The following KSR2 variants were observed in gnomAD, a reference collection of about 807,000 sequenced individuals.
The protein encoded by KSR2 is kinase suppressor of ras 2.
In KSR2, 25 loss-of-function variants were observed where a neutral mutation model predicts 107.8. The observed-to-expected ratio is 0.23, with a 90% CI of 0.17 to 0.32. The LOEUF is 0.32. Ranked by LOEUF, KSR2 falls within the 10% of genes least tolerant of loss-of-function variation. KSR2 has a pLI of 1.00. For synonymous variants in KSR2, 480 were observed against 507.0 expected (o/e 0.95, Z 0.71); for missense variants, 887 against 1,268.9 (o/e 0.70, Z 4.57).
intron 14 of KSR2, among the ~76,000 whole-genome samples, chr12:117,522,744 T>C (rs1393934222): frequency 1.3e-5 from 2 of 152,158 alleles, no homozygotes; most frequent in African/African-American, 2.4e-5. Context: ...AGAATGAGCC[T>C]GAGCTAGCCT....
chr12:117,631,104 A>G (rs1593070465), intron 5 of KSR2, among the ~76,000 whole-genome samples: 1 of 152,160 alleles, frequency 6.6e-6, no homozygotes, highest in African/African-American at 2.4e-5. Context: ...GCTCAAGACC[A>G]GCCTGGGAAA....
At chr12:117,558,357 A>C (rs1877852658) in intron 8 of KSR2, 149 bp downstream of exon 8, 2 of 639,996 alleles carry the variant, frequency 3.1e-6, no homozygotes, top group Admixed American at 5.2e-5. Context: ...AGATGTCAGG[A>C]AACAGGGCGT....
rs182801029 is a variant in KSR2, at chr12:117,531,066, C to G, written c.1730-53G>C. 4.4e-5 allele frequency: 63 copies of G among 1,447,106 alleles called. 2 individuals carry two copies. In the Admixed American group the frequency reaches 9.7e-4, roughly 22 times the overall value. The allele number at this position is 1,447,106 out of a possible 1,614,324, so 89.6% of individuals were successfully genotyped here. On this transcript the variant is annotated intron_variant, in intron 11 of 19. Transcript: ENST00000339824. ...AAAAAAATGTGAAGTCCACAACCCC[C>G]GCAAAGGCCTGATTCCTGGGCGACA...
rs1401028792 is a variant in KSR2, at chr12:117,464,401, A to C, written c.*2798T>G. 2 of 152,250 alleles carry C rather than the reference A, an allele frequency of 1.3e-5. No homozygotes were observed. Among genetic ancestry groups the C allele is most frequent in the Non-Finnish European group, 2.9e-5 (2 of 68,054 alleles). The allele number at this position is 152,250 out of a possible 1,614,324, so 9.4% of individuals were successfully genotyped here. A position where few individuals can be genotyped will look rare whatever the true frequency, so the allele number is the denominator to read the frequency against. ...GCTGTGATGGGACAAGGGCAAACAC[A>C]CAAATCTTGGTCGTGTCATTGTATA... On this transcript the variant is annotated 3_prime_UTR_variant, in exon 20 of 20. Coordinates refer to ENST00000339824, the MANE Select transcript of KSR2 (RefSeq NM_173598.6).
At chr12:117,523,017 T>C (rs1160422592) in intron 14 of KSR2, among the ~76,000 whole-genome samples, 1 of 152,188 alleles carries the variant, frequency 6.6e-6, no homozygotes, top group Admixed American at 6.5e-5. Flanking sequence ...TTCTGTCTTG[T>C]GCAGAGTTGA....
In KSR2 at chr12:117,542,556, A is replaced by C. The variant is rs575936399; in HGVS notation, c.1519-2669T>G. 2.8e-4 allele frequency among the ~76,000 whole-genome samples: 43 copies of C among 152,222 alleles called. No homozygotes were observed. In the South Asian group the frequency reaches 8.9e-3, roughly 32 times the overall value. On this transcript the variant is annotated intron_variant, in intron 9 of 19. Transcript: ENST00000339824. Reference sequence around the variant, plus strand: ...TCCCTCATGTTGCCCGTTTATAGCCATACCCATTTCCTGTTCTCTCCTCAC... The same window carrying C: ...TCCCTCATGTTGCCCGTTTATAGCCCTACCCATTTCCTGTTCTCTCCTCAC...
intron 4 of KSR2, among the ~76,000 whole-genome samples, chr12:117,719,217 T>TC (rs1565977876): frequency 2.0e-5 from 3 of 151,778 alleles, no homozygotes; most frequent in African/African-American, 4.8e-5. Context: ...TTCAGGTCTT[T>TC]CCCCCCCTCC....
At chr12:117,545,633 T>C (rs1489443868) in intron 9 of KSR2, among the ~76,000 whole-genome samples, 1 of 152,218 alleles carries the variant, frequency 6.6e-6, no homozygotes, top group Admixed American at 6.5e-5. Flanking sequence ...TGATGTCCCA[T>C]CCCATTCCTG....
rs1555221153 is a variant in KSR2, at chr12:117,606,601, C to CTCCCTCCCT, written c.1172-24243_1172-24242insAGGGAGGGA. On this transcript the variant is annotated intron_variant, in intron 5 of 19. Transcript: ENST00000339824. ...CCTTCCCTTCTTCCTTCCTTCTTTC[C>CTCCCTCCCT]TCCTTCCTTCCTTCCTCCCTCCCTT... Among the ~76,000 whole-genome samples, 21 of 33,466 alleles carry CTCCCTCCCT rather than the reference C, an allele frequency of 6.3e-4. 1 individual carries two copies. The highest frequency in any genetic ancestry group is 1.1e-3 in the Non-Finnish European group (19 of 16,928). 22.0% of individuals were successfully genotyped at this position (33,466 alleles called of 152,430 possible).
intron 1 of KSR2, among the ~76,000 whole-genome samples, chr12:117,947,011 A>C (rs1250873290): frequency 1.7e-5 from 2 of 121,168 alleles, no homozygotes; most frequent in African/African-American, 5.2e-5. Context: ...CTAAAAATAC[A>C]AAAAAAAATT....
At chr12:117,592,569 T>A (rs550167812) in intron 5 of KSR2, among the ~76,000 whole-genome samples, 1 of 152,338 alleles carries the variant, frequency 6.6e-6, no homozygotes, top group South Asian at 2.1e-4. Context: ...CCTAGAGTCA[T>A]CACCTGTGAT....
chr12:117,799,574 T>G (rs1366353123), intron 3 of KSR2, among the ~76,000 whole-genome samples: 1 of 152,108 alleles, frequency 6.6e-6, no homozygotes, highest in Non-Finnish European at 1.5e-5. Context: ...TAAAAAAAAT[T>G]TAATCATAGA....
At chr12:117,584,585 G>T (rs566558018) in intron 5 of KSR2, among the ~76,000 whole-genome samples, 4 of 152,158 alleles carry the variant, frequency 2.6e-5, no homozygotes, top group Non-Finnish European at 4.4e-5. Context: ...TCTGCCACGG[G>T]TGAAGAATAA....
intron 2 of KSR2, among the ~76,000 whole-genome samples, chr12:117,859,431 C>A (rs1430838299): frequency 6.7e-6 from 1 of 149,894 alleles, no homozygotes; most frequent in Non-Finnish European, 1.5e-5. Context: ...CCGCGCCTGG[C>A]CTGTTTTTTT....
intron 3 of KSR2, among the ~76,000 whole-genome samples, chr12:117,798,518 A>G (rs4767625): frequency 0.6 from 91,744 of 151,840 alleles, 30,152 homozygotes; most frequent in African/African-American, 0.87. Context: ...CTGTAATCCC[A>G]GCTACTCAGG....
chr12:117,545,174 C>T (rs190384485), intron 9 of KSR2, among the ~76,000 whole-genome samples: 5 of 152,192 alleles, frequency 3.3e-5, no homozygotes, highest in African/African-American at 9.6e-5. Flanking sequence ...CTGGAATAAA[C>T]TCTACTTGTA....
At chr12:117,686,912 C>T (rs914354680) in intron 4 of KSR2, among the ~76,000 whole-genome samples, 6 of 152,160 alleles carry the variant, frequency 3.9e-5, no homozygotes, top group Non-Finnish European at 5.9e-5. Context: ...AGACAGACAA[C>T]GAACAGTATC....
intron 5 of KSR2, among the ~76,000 whole-genome samples, chr12:117,628,277 G>A (rs1305235478): frequency 7.2e-5 from 11 of 152,100 alleles, no homozygotes; most frequent in East Asian, 1.9e-4. Context: ...GAGAAGAGGC[G>A]CTCTGATTTT....
chr12:117,555,433 G>C (rs956325784), intron 8 of KSR2, 140 bp from the exon 9 acceptor site: 1 of 801,002 alleles, frequency 1.2e-6, no homozygotes, highest in Non-Finnish European at 2.0e-6. Context: ...TAATGATTCT[G>C]TGGTGGGATC....
Sources: gnomAD v4.1 joint callset for allele counts (sites outside exome capture counted in the v4.1 genomes callset) on GRCh38, gnomAD v4.1.1 for gene constraint, MANE v1.5 for transcripts, NCBI Gene and HGNC (gene_info 2026-07-23, HGNC 2026-07-21) for gene names.